The following ANK1 variants were observed in gnomAD, a reference collection of about 807,000 sequenced individuals.
The protein encoded by ANK1 is ankyrin-1.
Under a neutral mutation model 210.4 loss-of-function variants are expected in ANK1, and 51 were observed. The observed-to-expected ratio is 0.24, with a 90% CI of 0.19 to 0.31. The LOEUF (loss-of-function observed/expected upper bound fraction) is 0.31. Among genes scored for constraint, ANK1 ranks in the 10% least tolerant of loss-of-function variants. ANK1 has a pLI of 1.00. For synonymous variants in ANK1, 967 were observed against 1,025.9 expected, an observed-to-expected ratio of 0.94 and a Z score of 1.10; for missense variants, 2,051 against 2,504.4, an observed-to-expected ratio of 0.82 and a Z score of 3.86.
chr8:41,775,262 G>C (rs1325813049), intron 1 of ANK1, among the ~76,000 whole-genome samples: 2 of 152,220 alleles, frequency 1.3e-5, no homozygotes, highest in Non-Finnish European at 2.9e-5. Context: ...GCCGACCAGG[G>C]GGTACCCTGA....
At chr8:41,731,737 A>T (rs537363652) in intron 3 of ANK1, among the ~76,000 whole-genome samples, 1 of 152,214 alleles carries the variant, frequency 6.6e-6, no homozygotes, top group Non-Finnish European at 1.5e-5. Context: ...TTCTAAAAAT[A>T]AAAAAGACAC....
chr8:41,690,080 G>A (rs780312947), intron 33 of ANK1, 147 bp downstream of exon 33: 5 of 1,313,418 alleles, frequency 3.8e-6, no homozygotes, highest in Non-Finnish European at 5.3e-6. Context: ...GCATGTGGAG[G>A]AGAGCTCAGC....
intron 1 of ANK1, among the ~76,000 whole-genome samples, chr8:41,780,950 G>A (rs754079093): frequency 6.6e-6 from 1 of 152,014 alleles, no homozygotes; most frequent in Non-Finnish European, 1.5e-5. Context: ...TGCAGCTGGG[G>A]GTGGGGAGAG....
At chr8:41,773,056 C>T (rs1372724) in intron 1 of ANK1, among the ~76,000 whole-genome samples, 4 of 142,928 alleles carry the variant, frequency 2.8e-5, no homozygotes, top group Admixed American at 2.8e-4. Context: ...TCCAGCCTGA[C>T]CCCCCCTAAA....
At chr8:41,678,135 CT>C (rs904465105) in intron 37 of ANK1, among the ~76,000 whole-genome samples, 1 of 151,202 alleles carries the variant, frequency 6.6e-6, no homozygotes, top group Non-Finnish European at 1.5e-5. Context: ...GTCCATATTT[CT>C]TTTTTTTTCT....
intron 26 of ANK1, among the ~76,000 whole-genome samples, chr8:41,695,951 G>GC (rs35489575): frequency 0.12 from 18,246 of 152,272 alleles, 1,304 homozygotes; most frequent in South Asian, 0.15. Flanking sequence ...GGCCAGGGAG[G>GC]CCGTCTTACT....
At chr8:41,820,230 G>T (rs1804006130) in intron 1 of ANK1, among the ~76,000 whole-genome samples, 1 of 151,106 alleles carries the variant, frequency 6.6e-6, no homozygotes, top group Admixed American at 6.6e-5. Flanking sequence ...TACAATCATT[G>T]CTTACTGCAG....
intron 1 of ANK1, among the ~76,000 whole-genome samples, chr8:41,827,338 T>C (rs920221650): frequency 6.6e-6 from 1 of 152,222 alleles, no homozygotes; most frequent in African/African-American, 2.4e-5. Context: ...ATGAGATGTA[T>C]GCCTCCGCCA....
intron 1 of ANK1, among the ~76,000 whole-genome samples, chr8:41,785,209 A>C (rs991178239): frequency 2.0e-5 from 3 of 152,148 alleles, no homozygotes; most frequent in Admixed American, 2.0e-4. Flanking sequence ...AATTTTTAAA[A>C]AATTAGCCAG....
intron 1 of ANK1, among the ~76,000 whole-genome samples, chr8:41,874,049 GAC>G (rs1816095158): frequency 6.6e-6 from 1 of 152,146 alleles, no homozygotes; most frequent in South Asian, 2.1e-4. Flanking sequence ...TGCACACACA[GAC>G]ACAAACACAC....
Position 41,755,288 on chromosome 8 carries a change from G to A in ANK1, c.129+2748C>T, listed in dbSNP as rs368366757. The stretch of plus-strand genomic sequence containing the variant: ...CAGTTACACCCAAGGCCTCTCCAAC[G>A]GGAGACCAATCAGGACACAGCTATT... On this transcript the variant is annotated intron_variant, in intron 2 of 42. Transcript: ENST00000289734. Among the ~76,000 whole-genome samples the A allele has an allele frequency of 6.5e-4, 99 of 152,354 alleles. 1 individual carries two copies. The highest frequency in any genetic ancestry group is 2.3e-3 in the African/African-American group (94 of 41,584).
intron 1 of ANK1, among the ~76,000 whole-genome samples, chr8:41,882,536 T>A (rs1817761808): frequency 6.6e-6 from 1 of 152,148 alleles, no homozygotes; most frequent in Non-Finnish European, 1.5e-5. Context: ...TGGGAGGGAC[T>A]GAAATTGAAA....
intron 1 of ANK1, among the ~76,000 whole-genome samples, chr8:41,810,234 T>C (rs1275561425): frequency 6.6e-6 from 1 of 152,262 alleles, no homozygotes; most frequent in African/African-American, 2.4e-5. Flanking sequence ...TATTCATAGT[T>C]TGGCATTTCC....
chr8:41,672,956 T>C (rs1225198217), intron 37 of ANK1, 44 bp from the exon 38 acceptor site: 1 of 1,553,094 alleles, frequency 6.4e-7, no homozygotes, highest in Admixed American at 1.8e-5. Flanking sequence ...CAGTGATTCC[T>C]GTCCCACCCA....
At chr8:41,820,167 C>T (rs1325621673) in intron 1 of ANK1, among the ~76,000 whole-genome samples, 1 of 147,880 alleles carries the variant, frequency 6.8e-6, no homozygotes, top group Non-Finnish European at 1.5e-5. Context: ...TAGATCTCAC[C>T]TTTTTTTTTT....
At chr8:41,832,460 C>T (rs1806858393) in intron 1 of ANK1, among the ~76,000 whole-genome samples, 1 of 152,194 alleles carries the variant, frequency 6.6e-6, no homozygotes, top group African/African-American at 2.4e-5. Context: ...TATTAACACC[C>T]CCTCCTCCAT....
chr8:41,772,498 G>A (rs74479224), intron 1 of ANK1, among the ~76,000 whole-genome samples: 4,762 of 152,248 alleles, frequency 0.031, 114 homozygotes, highest in Middle Eastern at 0.054. Flanking sequence ...AGAGGTGTGG[G>A]TTGTCACTGA....
chr8:41,837,236 C>A (rs541635121), intron 1 of ANK1, among the ~76,000 whole-genome samples: 1 of 152,330 alleles, frequency 6.6e-6, no homozygotes, highest in East Asian at 1.9e-4. Flanking sequence ...TATAGTCACA[C>A]CTTCATCCAG....
chr8:41,663,277 AC>A (rs1385096277), intron 40 of ANK1, among the ~76,000 whole-genome samples: 2 of 152,060 alleles, frequency 1.3e-5, no homozygotes, highest in African/African-American at 4.8e-5. Flanking sequence ...GAGCCAGCAC[AC>A]CCGGCCCACA....
Sources: allele counts gnomAD v4.1 joint callset (sites outside exome capture counted in the v4.1 genomes callset), GRCh38; gene constraint gnomAD v4.1.1; transcripts MANE v1.5; gene names NCBI Gene and HGNC (gene_info 2026-07-23, HGNC 2026-07-21).